The following NRXN1 variants were observed in gnomAD, a reference collection of about 807,000 sequenced individuals.
NRXN1 encodes the protein neurexin 1.
A neutral mutation model predicts 150.9 loss-of-function variants in NRXN1; 39 were observed. The ratio of observed to expected loss-of-function variants is 0.26; its 90% CI spans 0.20 to 0.34. The LOEUF (loss-of-function observed/expected upper bound fraction) is 0.34. NRXN1 is among the 10% of genes least tolerant of loss of function. The pLI, the probability that NRXN1 is intolerant of heterozygous loss-of-function variation, is 1.00. For synonymous variants in NRXN1, 924 were observed against 757.0 expected, an observed-to-expected ratio of 1.22 and a Z score of -3.62; for missense variants, 1,815 against 1,949.9, an observed-to-expected ratio of 0.93 and a Z score of 1.30.
At chr2:50,003,073 T>G (rs1197344948) in intron 21 of NRXN1, among the ~76,000 whole-genome samples, 1 of 152,154 alleles carries the variant, frequency 6.6e-6, no homozygotes, top group Non-Finnish European at 1.5e-5. Flanking sequence ...TTTTTCTCTC[T>G]TAGACAACTC....
intron 17 of NRXN1, among the ~76,000 whole-genome samples, chr2:50,269,442 A>C (rs2069297035): frequency 6.6e-6 from 1 of 152,224 alleles, no homozygotes; most frequent in Admixed American, 6.5e-5. Flanking sequence ...ACGTCTACGT[A>C]TTTACACAGA....
At chr2:50,903,995 A>G (rs1375360777) in intron 5 of NRXN1, among the ~76,000 whole-genome samples, 1 of 152,140 alleles carries the variant, frequency 6.6e-6, no homozygotes, top group Non-Finnish European at 1.5e-5. Context: ...CCCAATGTTA[A>G]AACAGAGAAA....
At chr2:50,083,729 T>G (rs1698325719) in intron 19 of NRXN1, among the ~76,000 whole-genome samples, 1 of 152,190 alleles carries the variant, frequency 6.6e-6, no homozygotes, top group South Asian at 2.1e-4. Context: ...TGGTCCGTTT[T>G]GAGAGGGTGC....
intron 2 of NRXN1, among the ~76,000 whole-genome samples, chr2:51,021,362 T>C (rs1669580121): frequency 1.3e-5 from 2 of 151,962 alleles, no homozygotes; most frequent in Admixed American, 6.6e-5. Flanking sequence ...GAGTATAGAA[T>C]GTGGTCAACG....
At chr2:50,632,343 C>T (rs548149724) in intron 5 of NRXN1, 50 of 151,920 alleles carry the variant, frequency 3.3e-4, no homozygotes, top group African/African-American at 1.1e-3. Context: ...TTTTAATATA[C>T]ACAGATGATA....
chr2:50,368,260 G>A (rs1485391486), intron 17 of NRXN1, among the ~76,000 whole-genome samples: 2 of 151,816 alleles, frequency 1.3e-5, no homozygotes, highest in African/African-American at 4.8e-5. Flanking sequence ...ATTTTCAACT[G>A]GTGGGATATC....
Position 50,504,212 on chromosome 2 carries a change from G to A in NRXN1, c.2497+2283C>T, listed in dbSNP as rs557286866. ...GCTGGAGGGGAAAAATGCTTATTGC[G>A]TATTGATAACATTGAATCAACTGAC... On this transcript the variant is annotated intron_variant, in intron 13 of 22. Coordinates refer to ENST00000401669, the MANE Select transcript of NRXN1 (RefSeq NM_001330078.2). Among the ~76,000 whole-genome samples, 10 of 150,362 alleles carry A rather than the reference G, an allele frequency of 6.7e-5. No homozygotes were observed. In the East Asian group the frequency reaches 7.9e-4, roughly 12 times the overall value.
At chr2:50,993,819 T>C (rs1698890963) in intron 2 of NRXN1, among the ~76,000 whole-genome samples, 1 of 152,002 alleles carries the variant, frequency 6.6e-6, no homozygotes, top group South Asian at 2.1e-4. Context: ...CTATTCTTTA[T>C]CTAAGCTATT....
At chr2:50,355,705 C>A (rs1413208694) in intron 17 of NRXN1, among the ~76,000 whole-genome samples, 1 of 152,064 alleles carries the variant, frequency 6.6e-6, no homozygotes, top group African/African-American at 2.4e-5. Flanking sequence ...TGAACTCTGT[C>A]ATTTTTTTGC....
At position 50,708,933 on chromosome 2, in the gene NRXN1, C is replaced by T. The variant is rs138113194; in HGVS notation, c.833-85318G>A. 6.2e-3 allele frequency among the ~76,000 whole-genome samples: 948 copies of T among 152,286 alleles called. 6 individuals carry two copies. The highest frequency in any genetic ancestry group is 0.01 in the Non-Finnish European group (709 of 68,028). Reference sequence around the variant, plus strand: ...CCAGGCACTCAGATCAGGAACAAGCCTGTTGGTGCTTTGGCCATTGGCATT... The same window carrying T: ...CCAGGCACTCAGATCAGGAACAAGCTTGTTGGTGCTTTGGCCATTGGCATT... On this transcript the variant is annotated intron_variant, in intron 5 of 22. Coordinates refer to ENST00000401669, the MANE Select transcript of NRXN1 (RefSeq NM_001330078.2).
chr2:50,583,817 G>A (rs568349849), intron 8 of NRXN1, among the ~76,000 whole-genome samples: 2 of 152,192 alleles, frequency 1.3e-5, no homozygotes, highest in East Asian at 3.9e-4. Flanking sequence ...CCATGCCTCT[G>A]GCACATGCAA....
intron 18 of NRXN1, among the ~76,000 whole-genome samples, chr2:50,182,909 G>T (rs11891174): frequency 6.6e-6 from 1 of 151,712 alleles, no homozygotes; most frequent in Admixed American, 6.6e-5. Flanking sequence ...TAGAGCTCAT[G>T]CAAGACCATC....
At chr2:50,505,782 T>G (rs549925318) in intron 13 of NRXN1, among the ~76,000 whole-genome samples, 37 of 152,308 alleles carry the variant, frequency 2.4e-4, no homozygotes, top group African/African-American at 8.9e-4. Flanking sequence ...AGGACCATTT[T>G]GTGCTTTTTA....
chr2:50,555,804 A>T (rs1668152759), intron 8 of NRXN1, among the ~76,000 whole-genome samples: 1 of 152,224 alleles, frequency 6.6e-6, no homozygotes, highest in Admixed American at 6.5e-5. Context: ...AGAAAAAAGC[A>T]TAAACTTATG....
chr2:50,074,100 G>C (rs1224114047), intron 19 of NRXN1, among the ~76,000 whole-genome samples: 2 of 152,074 alleles, frequency 1.3e-5, no homozygotes, highest in Non-Finnish European at 2.9e-5. Flanking sequence ...AAAAATTATA[G>C]GTTGCCAGAT....
intron 5 of NRXN1, among the ~76,000 whole-genome samples, chr2:50,831,834 A>C (rs1671447361): frequency 6.6e-6 from 1 of 152,160 alleles, no homozygotes. Context: ...ACTTTTCCCA[A>C]GAGCAGGAGC....
chr2:51,027,384 T>C, intron 2 of NRXN1, 118 bp downstream of exon 2: 1 of 1,081,688 alleles, frequency 9.2e-7, no homozygotes, highest in Non-Finnish European at 1.2e-6. Context: ...GGTCCTTCCC[T>C]CGAAGCGAAC....
intron 2 of NRXN1, among the ~76,000 whole-genome samples, chr2:50,964,424 A>G (rs1693719374): frequency 6.6e-6 from 1 of 151,538 alleles, no homozygotes; most frequent in Non-Finnish European, 1.5e-5. Flanking sequence ...AAGATGGTGA[A>G]CACGAAAATT....
chr2:50,263,169 CACACACACACACACACACACACACAT>C (rs1054393888), intron 17 of NRXN1, among the ~76,000 whole-genome samples: 1 of 55,626 alleles, frequency 1.8e-5, no homozygotes, highest in Non-Finnish European at 4.1e-5. Context: ...CACACACACA[CACACACACACACACACACACACACAT>C]ACACAAACAG....
Sources: allele counts gnomAD v4.1 joint callset (sites outside exome capture counted in the v4.1 genomes callset), GRCh38; gene constraint gnomAD v4.1.1; transcripts MANE v1.5; gene names NCBI Gene and HGNC (gene_info 2026-07-23, HGNC 2026-07-21).